Variants in PRKDC observed in about 807,000 individuals in gnomAD.
The protein encoded by PRKDC is DNA-dependent protein kinase catalytic subunit.
PRKDC carries 82 observed loss-of-function variants against 486.9 expected under a neutral mutation model. The observed-to-expected ratio is 0.17, with a 90% CI of 0.14 to 0.20. The LOEUF (loss-of-function observed/expected upper bound fraction) is 0.20, where lower values mean the gene tolerates loss of function less well. PRKDC is among the 10% of genes least tolerant of loss of function. The pLI is 1.00. For missense variants in PRKDC, 4,504 were observed against 5,038.2 expected (o/e 0.89, Z 3.21); for synonymous variants, 1,895 against 1,837.0 (o/e 1.03, Z -0.81).
At chr8:47,930,642 T>C (rs1171926725) in intron 17 of PRKDC, 30 bp downstream of exon 17, 14 of 1,518,786 alleles carry the variant, frequency 9.2e-6, no homozygotes, top group Non-Finnish European at 1.2e-5. Flanking sequence ...ATCATTTTCA[T>C]TCTTAAATAA....
At chr8:47,781,798 A>T (rs1386002675) in intron 80 of PRKDC, among the ~76,000 whole-genome samples, 1 of 152,200 alleles carries the variant, frequency 6.6e-6, no homozygotes, top group Non-Finnish European at 1.5e-5. Flanking sequence ...TATAGCAGTG[A>T]TAATAATACT....
At chr8:47,861,630 T>A (rs2088679598) in intron 44 of PRKDC, among the ~76,000 whole-genome samples, 1 of 152,242 alleles carries the variant, frequency 6.6e-6, no homozygotes, top group African/African-American at 2.4e-5. Context: ...GCCCAACTGC[T>A]GAGGCTGGCA....
At position 47,952,625 on chromosome 8, in the gene PRKDC, G is replaced by T. The variant is rs78733842; in HGVS notation, c.721+995C>A. ...AATCCCAGCACTTTGGGAGATCAAG[G>T]TGGACAGATTACTTGAGCCCAGGAG... On this transcript the variant is annotated intron_variant, in intron 7 of 85. Coordinates refer to ENST00000314191, the MANE Select transcript of PRKDC (RefSeq NM_006904.7). Among the ~76,000 whole-genome samples, 481 of 152,246 alleles carry T rather than the reference G, an allele frequency of 3.2e-3. 2 individuals carry two copies. The highest frequency in any genetic ancestry group is 0.011 in the African/African-American group (464 of 41,536).
intron 40 of PRKDC, among the ~76,000 whole-genome samples, chr8:47,868,395 TAA>T (rs538713166): frequency 7.8e-5 from 11 of 141,396 alleles, no homozygotes; most frequent in Non-Finnish European, 7.7e-5. Context: ...TCTCTACGTT[TAA>T]AAAAAAAAAA....
chr8:47,881,603 C>A, intron 37 of PRKDC, 83 bp from the exon 38 acceptor site: 2 of 742,354 alleles, frequency 2.7e-6, no homozygotes, highest in Non-Finnish European at 4.3e-6. Flanking sequence ...TGTTTAAATT[C>A]CAGAAATGAA....
In PRKDC at chr8:47,779,883, T is replaced by C. The variant is rs375957217; in HGVS notation, c.11490-790A>G. Among the ~76,000 whole-genome samples, 463 of 135,020 alleles carry C rather than the reference T, an allele frequency of 3.4e-3. 3 individuals carry two copies. Among genetic ancestry groups the C allele is most frequent in the African/African-American group, 0.012 (452 of 36,354 alleles). The allele number at this position is 135,020 out of a possible 152,430, so 88.6% of individuals were successfully genotyped here. A position where few individuals can be genotyped will look rare whatever the true frequency, so the allele number is the denominator to read the frequency against. On this transcript the variant is annotated intron_variant, in intron 80 of 85. Transcript: ENST00000314191. ...GATTACAGGTGTGAGCCACCACGCCTGGCCTCTTTTTCTTTTGTTTTGTTT... is the reference window on the plus strand; with the variant it reads ...GATTACAGGTGTGAGCCACCACGCCCGGCCTCTTTTTCTTTTGTTTTGTTT...
chr8:47,898,768 T>C (rs997704990), intron 28 of PRKDC, among the ~76,000 whole-genome samples, 199 bp from the exon 29 acceptor site: 1 of 152,226 alleles, frequency 6.6e-6, no homozygotes, highest in Non-Finnish European at 1.5e-5. Flanking sequence ...ACAAAACCCC[T>C]ATTTAAGACT....
At chr8:47,878,892 C>T (rs2089145692) in intron 39 of PRKDC, among the ~76,000 whole-genome samples, 1 of 152,148 alleles carries the variant, frequency 6.6e-6, no homozygotes, top group Non-Finnish European at 1.5e-5. Flanking sequence ...ATGTCTATGT[C>T]CAGACTTGAG....
At chr8:47,847,809 G>A (rs1253269073) in intron 54 of PRKDC, among the ~76,000 whole-genome samples, 2 of 151,324 alleles carry the variant, frequency 1.3e-5, no homozygotes, top group Non-Finnish European at 2.9e-5. Context: ...CAAGTAAAAA[G>A]TGACCCCATT....
chr8:47,888,720 A>G, intron 33 of PRKDC, 70 bp from the exon 34 acceptor site: 2 of 1,465,900 alleles, frequency 1.4e-6, no homozygotes, highest in Non-Finnish European at 1.8e-6. Flanking sequence ...ACACTGAAAA[A>G]AATGTTTGCA....
At chr8:47,832,261 G>C (rs1353107338) in intron 59 of PRKDC, among the ~76,000 whole-genome samples, 1 of 152,218 alleles carries the variant, frequency 6.6e-6, no homozygotes, top group Non-Finnish European at 1.5e-5. Context: ...ACCTGGTGCA[G>C]ACCAGCCTCC....
Position 47,933,137 on chromosome 8 carries a change from C to T in PRKDC, c.1659G>A (p.Val553=), listed in dbSNP as rs765959476. The T allele has an allele frequency of 6.5e-7, 1 of 1,549,310 alleles. No individual in the cohort carries two copies. Among genetic ancestry groups the T allele is most frequent in the Admixed American group, 2.1e-5 (1 of 46,556 alleles). ...GATTCAGACTTTCACTGGAGGAATTCACAGAGAAAAATGCTTCATCTGCTA... is the reference window on the plus strand; with the variant it reads ...GATTCAGACTTTCACTGGAGGAATTTACAGAGAAAAATGCTTCATCTGCTA... The part of the protein sequence containing the change: ...SILADEAFFS[V]NSSSESLNHL... The change falls in exon 16 of 86, where the codon GTG becomes GTA. Residue 553 remains valine (V), a synonymous_variant. Transcript: ENST00000314191.
intron 56 of PRKDC, 108 bp from the exon 57 acceptor site, chr8:47,837,527 G>T: frequency 1.2e-6 from 1 of 822,310 alleles, no homozygotes; most frequent in Non-Finnish European, 1.9e-6. Flanking sequence ...CCCACATGAA[G>T]CTTAACAGAG....
chr8:47,864,845 TA>T (rs1408213261), intron 40 of PRKDC, 82 bp from the exon 41 acceptor site: 7 of 1,166,398 alleles, frequency 6.0e-6, no homozygotes, highest in Non-Finnish European at 8.2e-6. Flanking sequence ...ACAGGCAAAG[TA>T]AACACCAGTG....
intron 39 of PRKDC, among the ~76,000 whole-genome samples, chr8:47,878,492 C>G (rs1012600722): frequency 6.6e-5 from 10 of 152,126 alleles, no homozygotes; most frequent in African/African-American, 2.4e-4. Flanking sequence ...ACAGGCCCCC[C>G]TCCTTCACCA....
intron 57 of PRKDC, 41 bp from the exon 58 acceptor site, chr8:47,836,568 G>A (rs770996291): frequency 1.3e-6 from 2 of 1,489,326 alleles, no homozygotes; most frequent in South Asian, 2.4e-5. Flanking sequence ...AGTTTCAAAT[G>A]AAATAATGCT....
intron 40 of PRKDC, among the ~76,000 whole-genome samples, chr8:47,869,710 G>A (rs2088903975): frequency 6.6e-6 from 1 of 152,032 alleles, no homozygotes; most frequent in Non-Finnish European, 1.5e-5. Context: ...TGGCCACAGA[G>A]GGGCAACATC....
intron 78 of PRKDC, among the ~76,000 whole-genome samples, chr8:47,783,278 CAAAAAAAAAAAAG>C (rs1245497590): frequency 0.018 from 1,024 of 56,216 alleles, 7 homozygotes; most frequent in Non-Finnish European, 0.025. Flanking sequence ...ACTCTTGTCT[CAAAAAAAAAAAAG>C]AAAAAAAAAA....
At chr8:47,855,424 A>T (rs912069319) in intron 49 of PRKDC, 51 bp from the exon 50 acceptor site, 6 of 1,478,370 alleles carry the variant, frequency 4.1e-6, no homozygotes, top group Non-Finnish European at 5.4e-6. Context: ...CATTCTGGAA[A>T]GCATTTTTTA....
Sources: gnomAD v4.1 joint callset for allele counts (sites outside exome capture counted in the v4.1 genomes callset) on GRCh38, gnomAD v4.1.1 for gene constraint, MANE v1.5 for transcripts, NCBI Gene and HGNC (gene_info 2026-07-23, HGNC 2026-07-21) for gene names.